TLE1: variants seen among roughly 807,000 people sequenced by gnomAD.
TLE1 encodes transducin-like enhancer protein 1.
TLE1 carries 21 observed loss-of-function variants against 89.8 expected under a neutral mutation model. The observed-to-expected ratio is 0.23, with a 90% CI of 0.17 to 0.34. The LOEUF is 0.34. Ranked by LOEUF, TLE1 falls within the 10% of genes least tolerant of loss-of-function variation. The pLI is 1.00. For synonymous variants in TLE1, 447 were observed against 407.6 expected (o/e 1.10, Z -1.16); for missense variants, 795 against 1,031.2 (o/e 0.77, Z 3.14).
chr9:81,631,859 T>C lies in TLE1; in HGVS notation c.594+1489A>G, dbSNP rs531796446. ...GGCTCAGGCCTGCAATCCCAGCACG[T>C]TGGGAGGCTGAGGCAGGCGGATCAC... On this transcript the variant is annotated intron_variant, in intron 8 of 19. Transcript: ENST00000376499. 7.2e-5 allele frequency among the ~76,000 whole-genome samples: 11 copies of C among 152,172 alleles called. No individual in the cohort carries two copies. In the South Asian group the frequency reaches 1.7e-3, roughly 23 times the overall value.
intron 4 of TLE1, among the ~76,000 whole-genome samples, chr9:81,684,264 G>C (rs1833983840): frequency 6.6e-6 from 1 of 151,532 alleles, no homozygotes; most frequent in South Asian, 2.1e-4. Flanking sequence ...GAAGTTACAA[G>C]TGCCTGAATA....
intron 4 of TLE1, among the ~76,000 whole-genome samples, chr9:81,667,410 C>T (rs1354272313): frequency 1.4e-5 from 2 of 146,024 alleles, no homozygotes; most frequent in Non-Finnish European, 3.0e-5. Context: ...AAAAAAGAAG[C>T]AAAAATCAAG....
intron 6 of TLE1, among the ~76,000 whole-genome samples, chr9:81,649,250 TG>T (rs1829245569): frequency 6.6e-6 from 1 of 152,210 alleles, no homozygotes; most frequent in Non-Finnish European, 1.5e-5. Flanking sequence ...CAGTATTTTT[TG>T]TCAGACAGGA....
intron 12 of TLE1, chr9:81,612,280 C>T (rs1823820363): frequency 1.8e-6 from 2 of 1,102,768 alleles, no homozygotes; most frequent in East Asian, 1.0e-4. Flanking sequence ...GGCACAGGCA[C>T]CAAGTGTTTA....
intron 14 of TLE1, among the ~76,000 whole-genome samples, chr9:81,604,832 T>C (rs947458779): frequency 5.3e-5 from 8 of 152,128 alleles, no homozygotes; most frequent in Non-Finnish European, 7.4e-5. Flanking sequence ...CCCGGTTCCA[T>C]GGGAAACTCA....
intron 6 of TLE1, among the ~76,000 whole-genome samples, chr9:81,642,345 T>C (rs1432070770): frequency 6.6e-6 from 1 of 152,078 alleles, no homozygotes; most frequent in African/African-American, 2.4e-5. Context: ...GGCTGCTCAA[T>C]CTGTACATGA....
At chr9:81,676,585 G>A (rs543555602) in intron 4 of TLE1, among the ~76,000 whole-genome samples, 59 of 152,336 alleles carry the variant, frequency 3.9e-4, no homozygotes, top group African/African-American at 1.3e-3. Context: ...GGAAGAGAAA[G>A]AAGCAGTGGC....
intron 5 of TLE1, among the ~76,000 whole-genome samples, chr9:81,653,468 A>G (rs2132644454): frequency 2.0e-5 from 3 of 152,354 alleles, no homozygotes; most frequent in Middle Eastern, 6.8e-3. Context: ...CTTTGTAACT[A>G]AACAAAATAG....
chr9:81,662,340 G>A (rs1830901955), intron 4 of TLE1, among the ~76,000 whole-genome samples: 1 of 150,002 alleles, frequency 6.7e-6, no homozygotes. Flanking sequence ...GAGACACGGT[G>A]TTAGTATTAG....
rs1834417449 is a variant in TLE1, at chr9:81,687,286, G to A, written c.125+48C>T. 4 of 1,528,124 alleles carry A rather than the reference G, an allele frequency of 2.6e-6. No individual in the cohort carries two copies. The South Asian group carries it at 3.5e-5, about 14-fold the overall frequency. The allele number at this position is 1,528,124 out of a possible 1,614,324, so 94.7% of individuals were successfully genotyped here. On this transcript the variant is annotated intron_variant, in intron 2 of 19. Transcript: ENST00000376499. ...CGCCGCCACCCGGCTGGGTGCAAGG[G>A]GCACCGGGACGCCCGCGACCACTCG... is the stretch of plus-strand genomic sequence containing the variant.
chr9:81,632,180 C>CTG (rs999143492), intron 8 of TLE1, among the ~76,000 whole-genome samples: 4 of 152,104 alleles, frequency 2.6e-5, no homozygotes, highest in African/African-American at 7.2e-5. Flanking sequence ...TATCTGTACT[C>CTG]TGTGTGTAGA....
intron 2 of TLE1, among the ~76,000 whole-genome samples, chr9:81,686,860 A>G (rs539644427): frequency 2.6e-5 from 4 of 152,142 alleles, no homozygotes; most frequent in Non-Finnish European, 5.9e-5. Context: ...CTCCCTCACC[A>G]TCACCAATGA....
intron 6 of TLE1, among the ~76,000 whole-genome samples, chr9:81,634,895 T>C (rs147412508): frequency 5.3e-5 from 8 of 152,272 alleles, no homozygotes; most frequent in East Asian, 3.9e-4. Flanking sequence ...CACTAAGGAA[T>C]AGAATTTGGA....
intron 4 of TLE1, among the ~76,000 whole-genome samples, chr9:81,682,407 G>A (rs913999262): frequency 6.6e-6 from 1 of 152,118 alleles, no homozygotes; most frequent in Non-Finnish European, 1.5e-5. Flanking sequence ...AATCTACTCT[G>A]GAGGATGCCT....
At chr9:81,600,524 T>C (rs1830772886) in intron 14 of TLE1, among the ~76,000 whole-genome samples, 1 of 151,380 alleles carries the variant, frequency 6.6e-6, no homozygotes, top group Admixed American at 6.6e-5. Context: ...AAAATTAAGC[T>C]ACATATTCCT....
intron 1 of TLE1, 24 bp from the exon 2 acceptor site, chr9:81,687,458 CCG>C: frequency 6.3e-7 from 1 of 1,582,416 alleles, no homozygotes; most frequent in Non-Finnish European, 8.6e-7. Flanking sequence ...GCGAGGGGGA[CCG>C]AGGGACGGGA....
intron 4 of TLE1, among the ~76,000 whole-genome samples, chr9:81,683,132 T>C (rs1588264290): frequency 6.6e-6 from 1 of 152,022 alleles, no homozygotes; most frequent in Non-Finnish European, 1.5e-5. Context: ...ACAAACCCGT[T>C]GAAAGGTGGG....
At chr9:81,638,307 C>T (rs1319359176) in intron 6 of TLE1, among the ~76,000 whole-genome samples, 3 of 152,210 alleles carry the variant, frequency 2.0e-5, no homozygotes. Context: ...ACAGTGCTGG[C>T]TCTGGCTTTT....
intron 14 of TLE1, among the ~76,000 whole-genome samples, chr9:81,604,309 G>C (rs1330576559): frequency 6.6e-6 from 1 of 152,152 alleles, no homozygotes; most frequent in Non-Finnish European, 1.5e-5. Context: ...GAAAGGAAGT[G>C]ACAGGATCTG....
Sources: gnomAD v4.1 joint callset for allele counts (sites outside exome capture counted in the v4.1 genomes callset) on GRCh38, gnomAD v4.1.1 for gene constraint, MANE v1.5 for transcripts, NCBI Gene and HGNC (gene_info 2026-07-23, HGNC 2026-07-21) for gene names.